ARAP2: variants seen among roughly 807,000 people sequenced by gnomAD.
ARAP2 encodes arf-GAP with Rho-GAP domain, ANK repeat and PH domain-containing protein 2.
ARAP2 carries 148 observed loss-of-function variants against 194.5 expected under a neutral mutation model. That is an observed-to-expected ratio of 0.76 (90% CI 0.67 to 0.87). The LOEUF is 0.87. Ranked by LOEUF, ARAP2 falls within the 40% of genes least tolerant of loss-of-function variation. The pLI, the probability that ARAP2 is intolerant of heterozygous loss-of-function variation, is 0.00. For synonymous variants in ARAP2, 695 were observed against 683.5 expected, an observed-to-expected ratio of 1.02 and a Z score of -0.26; for missense variants, 2,128 against 1,989.7, an observed-to-expected ratio of 1.07 and a Z score of -1.32.
intron 27 of ARAP2, among the ~76,000 whole-genome samples, chr4:36,095,213 T>C (rs372932299): frequency 9.2e-5 from 14 of 152,182 alleles, no homozygotes; most frequent in South Asian, 6.2e-4. Context: ...CCACCAGCGA[T>C]AGATGTTGTT....
chr4:36,040,609 T>C (rs1720693278), intron 5 of ARAP2, among the ~76,000 whole-genome samples: 1 of 152,214 alleles, frequency 6.6e-6, no homozygotes, highest in South Asian at 2.1e-4. Context: ...GTGGCAATTG[T>C]GAGCGAGATT....
At chr4:36,106,109 T>A (rs1412038946) in intron 27 of ARAP2, among the ~76,000 whole-genome samples, 1 of 150,908 alleles carries the variant, frequency 6.6e-6, no homozygotes, top group Admixed American at 6.6e-5. Flanking sequence ...GTTGTGACAG[T>A]CAGAAATGTC....
chr4:36,244,046 C>A (rs1050951289), intron 1 of ARAP2, 133 bp downstream of exon 1: 6 of 152,262 alleles, frequency 3.9e-5, no homozygotes, highest in African/African-American at 1.4e-4. Context: ...GGGGCGGACA[C>A]CAGAGCCGAG....
At chr4:36,129,807 C>CAT (rs1262705825) in intron 20 of ARAP2, among the ~76,000 whole-genome samples, 2 of 151,088 alleles carry the variant, frequency 1.3e-5, no homozygotes, top group African/African-American at 2.4e-5. Flanking sequence ...CACATACACA[C>CAT]ATATATATAC....
chr4:36,121,191 T>C lies in ARAP2; in HGVS notation c.3882A>G (p.Val1294=), dbSNP rs1247298969. Residue 1294 remains valine, a synonymous_variant, in exon 23 of 33, where the codon GTA becomes GTG. Transcript: ENST00000303965. ...NVIEDLINNY[V]EIFEVKEDQV... ...ACAAAATAATTACCTCAAATATTTC[T>C]ACATAATTATTAATTAGGTCCTCAA... 16 of 1,592,890 alleles carry C rather than the reference T, an allele frequency of 1.0e-5. No homozygotes were observed. The highest frequency in any genetic ancestry group is 1.3e-5 in the Non-Finnish European group (15 of 1,168,090).
chr4:36,090,106 G>A (rs1668278904), intron 28 of ARAP2, among the ~76,000 whole-genome samples: 1 of 151,876 alleles, frequency 6.6e-6, no homozygotes, highest in African/African-American at 2.4e-5. Flanking sequence ...ATATAAACAA[G>A]TATCAAAGAA....
At chr4:36,060,149 A>C (rs1269340424) in intron 1 of ARAP2, among the ~76,000 whole-genome samples, 1 of 152,104 alleles carries the variant, frequency 6.6e-6, no homozygotes, top group Non-Finnish European at 1.5e-5. Flanking sequence ...GATTGAAGTG[A>C]GTTTGTGTGT....
At position 36,213,298 on chromosome 4, in the gene ARAP2, G is replaced by T; in HGVS notation, c.986C>A (p.Ser329Tyr). The change falls in exon 4 of 33, where the codon TCT becomes TAT. Residue 329 changes from serine to tyrosine, a missense_variant. Ser to Tyr is a moderately radical substitution (Grantham distance 144). Coordinates refer to ENST00000303965, the MANE Select transcript of ARAP2 (RefSeq NM_015230.4). ...AWQNSNEENSSSIFPYGETFL... is the reference protein window; with the variant it reads ...AWQNSNEENSYSIFPYGETFL... The stretch of plus-strand genomic sequence containing the variant: ...GGTCTCTCCATAAGGAAAGATGGAA[G>T]ATGAATTCTCCTCATTTGAATCTTT... 8 of 1,607,634 alleles carry T rather than the reference G, an allele frequency of 5.0e-6. No individual in the cohort carries two copies. Among genetic ancestry groups the T allele is most frequent in the Non-Finnish European group, 6.8e-6 (8 of 1,174,580 alleles).
intron 5 of ARAP2, among the ~76,000 whole-genome samples, chr4:36,023,198 C>T (rs760261958): frequency 8.5e-5 from 13 of 152,210 alleles, no homozygotes; most frequent in African/African-American, 2.4e-4. Context: ...CCAAAGAGTT[C>T]GGCACTTGCT....
intron 28 of ARAP2, among the ~76,000 whole-genome samples, chr4:36,087,253 T>G (rs1009610670): frequency 3.9e-5 from 6 of 152,112 alleles, no homozygotes; most frequent in African/African-American, 1.4e-4. Context: ...TGAAGTCATG[T>G]GCTGAAAATA....
At chr4:36,193,919 G>A (rs973362245) in intron 6 of ARAP2, among the ~76,000 whole-genome samples, 1 of 152,172 alleles carries the variant, frequency 6.6e-6, no homozygotes, top group African/African-American at 2.4e-5. Flanking sequence ...ACAACAAAAT[G>A]TGGTCAGAAA....
In ARAP2 at chr4:36,171,073, A is replaced by G. The variant is rs576172193; in HGVS notation, c.1858-4026T>C. Among the ~76,000 whole-genome samples, 28 of 152,318 alleles carry G rather than the reference A, an allele frequency of 1.8e-4. No homozygotes were observed. In the East Asian group the frequency reaches 5.4e-3, roughly 29 times the overall value. ...GGACAAAACCCAGACCAGGTTTATTATTCAGGTATTCCTCTCTCGCTTGTT... is the reference window on the plus strand; with the variant it reads ...GGACAAAACCCAGACCAGGTTTATTGTTCAGGTATTCCTCTCTCGCTTGTT... On this transcript the variant is annotated intron_variant, in intron 9 of 32. Coordinates refer to ENST00000303965, the MANE Select transcript of ARAP2 (RefSeq NM_015230.4).
intron 19 of ARAP2, among the ~76,000 whole-genome samples, 164 bp downstream of exon 19, chr4:36,147,132 C>A (rs1729814807): frequency 6.6e-6 from 1 of 151,914 alleles, no homozygotes; most frequent in Admixed American, 6.6e-5. Flanking sequence ...TTGGTATAGT[C>A]TTTCCAAAGA....
intron 6 of ARAP2, among the ~76,000 whole-genome samples, chr4:36,196,000 T>C (rs897377490): frequency 6.6e-6 from 1 of 152,172 alleles, no homozygotes; most frequent in African/African-American, 2.4e-5. Flanking sequence ...TCTGGCACCA[T>C]GGGTGGGATA....
intron 6 of ARAP2, among the ~76,000 whole-genome samples, chr4:36,209,627 C>T (rs181736766): frequency 2.6e-5 from 4 of 152,174 alleles, no homozygotes; most frequent in Admixed American, 2.6e-4. Context: ...TGAAAACCAG[C>T]ACACTGTAGG....
Position 36,180,276 on chromosome 4 carries a change from G to A in ARAP2, c.1679-2271C>T, listed in dbSNP as rs542092380. ...AACAAGAGCAAAACTTCGTCCCCCCGCTCCCCCGCCAAAAAAAAAAGAATT... is the reference window on the plus strand; with the variant it reads ...AACAAGAGCAAAACTTCGTCCCCCCACTCCCCCGCCAAAAAAAAAAGAATT... On this transcript the variant is annotated intron_variant, in intron 8 of 32. Transcript: ENST00000303965. 4.9e-3 allele frequency among the ~76,000 whole-genome samples: 739 copies of A among 151,480 alleles called. 8 individuals are homozygous for A. The highest frequency in any genetic ancestry group is 0.017 in the African/African-American group (710 of 41,288).
chr4:36,037,830 T>C (rs903677698), intron 5 of ARAP2, among the ~76,000 whole-genome samples: 6 of 152,210 alleles, frequency 3.9e-5, no homozygotes, highest in South Asian at 2.1e-4. Flanking sequence ...TTCAAGGTGA[T>C]TGTGAATCTC....
At chr4:36,134,925 T>C (rs958447988) in intron 19 of ARAP2, among the ~76,000 whole-genome samples, 15 of 151,756 alleles carry the variant, frequency 9.9e-5, no homozygotes, top group African/African-American at 3.6e-4. Context: ...GATGGCTTTG[T>C]CCTGCATCAT....
intron 8 of ARAP2, among the ~76,000 whole-genome samples, chr4:36,185,959 C>T (rs886923488): frequency 3.3e-5 from 5 of 150,024 alleles, no homozygotes; most frequent in African/African-American, 1.2e-4. Flanking sequence ...GCTTGGGCAA[C>T]AAGAGTGAAA....
Sources: allele counts gnomAD v4.1 joint callset (sites outside exome capture counted in the v4.1 genomes callset), GRCh38; gene constraint gnomAD v4.1.1; transcripts MANE v1.5; gene names NCBI Gene and HGNC (gene_info 2026-07-23, HGNC 2026-07-21).